MAGI2: variants seen among roughly 807,000 people sequenced by gnomAD.
MAGI2 encodes membrane-associated guanylate kinase, WW and PDZ domain-containing protein 2.
MAGI2 carries 35 observed loss-of-function variants against 133.3 expected under a neutral mutation model. That is an observed-to-expected ratio of 0.26 (90% CI 0.20 to 0.35). The LOEUF is 0.35. Ranked by LOEUF, MAGI2 falls within the 10% of genes least tolerant of loss-of-function variation. The pLI, the probability that MAGI2 is intolerant of heterozygous loss-of-function variation, is 1.00. For synonymous variants in MAGI2, 729 were observed against 710.6 expected, an observed-to-expected ratio of 1.03 and a Z score of -0.41; for missense variants, 1,636 against 1,863.4, an observed-to-expected ratio of 0.88 and a Z score of 2.25.
At chr7:78,521,369 A>G (rs950985391) in intron 4 of MAGI2, 61 bp downstream of exon 4, 14 of 1,205,202 alleles carry the variant, frequency 1.2e-5, no homozygotes, top group Non-Finnish European at 1.7e-5. Context: ...ATATGTGTAC[A>G]TATATATCTT....
intron 11 of MAGI2, among the ~76,000 whole-genome samples, chr7:78,198,721 C>A (rs1015668344): frequency 2.6e-5 from 4 of 152,152 alleles, no homozygotes; most frequent in Non-Finnish European, 5.9e-5. Flanking sequence ...ATGAGGCAGG[C>A]CCCTCTCCCC....
intron 2 of MAGI2, among the ~76,000 whole-genome samples, chr7:78,646,152 A>G (rs750174376): frequency 6.6e-6 from 1 of 152,210 alleles, no homozygotes; most frequent in African/African-American, 2.4e-5. Context: ...GAAGAAGGGT[A>G]TAATGGAGGA....
At chr7:78,183,453 A>T (rs1827384552) in intron 13 of MAGI2, among the ~76,000 whole-genome samples, 1 of 151,494 alleles carries the variant, frequency 6.6e-6, no homozygotes, top group Non-Finnish European at 1.5e-5. Flanking sequence ...TTTAGTAGAG[A>T]CGGGGTTTCA....
chr7:78,747,691 A>T (rs368136652), intron 2 of MAGI2, among the ~76,000 whole-genome samples: 19 of 152,272 alleles, frequency 1.2e-4, no homozygotes, highest in African/African-American at 4.6e-4. Flanking sequence ...CCCTGATCTC[A>T]CTAGAAGGTT....
At chr7:78,726,919 G>GT (rs573285679) in intron 2 of MAGI2, among the ~76,000 whole-genome samples, 3,647 of 143,974 alleles carry the variant, frequency 0.025, 49 homozygotes, top group African/African-American at 0.039. Flanking sequence ...AGATGCATGG[G>GT]TTTTTTTTTT....
chr7:78,147,460 G>A (rs1823418657), intron 16 of MAGI2, among the ~76,000 whole-genome samples: 1 of 152,054 alleles, frequency 6.6e-6, no homozygotes, highest in Non-Finnish European at 1.5e-5. Context: ...ATAACTATAT[G>A]TGTTTTCAGT....
chr7:78,962,881 T>C (rs946479563), intron 2 of MAGI2, among the ~76,000 whole-genome samples: 2 of 152,058 alleles, frequency 1.3e-5, no homozygotes, highest in African/African-American at 4.8e-5. Flanking sequence ...CAAACACTAA[T>C]AATGAGTTTA....
At chr7:79,040,171 T>C (rs1301004700) in intron 1 of MAGI2, among the ~76,000 whole-genome samples, 1 of 151,590 alleles carries the variant, frequency 6.6e-6, no homozygotes, top group Non-Finnish European at 1.5e-5. Flanking sequence ...TGAGTTCTCA[T>C]AGTATCTGAT....
intron 1 of MAGI2, among the ~76,000 whole-genome samples, chr7:79,332,692 G>T (rs1223691896): frequency 2.6e-5 from 4 of 152,158 alleles, no homozygotes; most frequent in Non-Finnish European, 5.9e-5. Flanking sequence ...AATTTGTACT[G>T]TGCTTGCAAT....
At chr7:78,383,523 T>G (rs973184410) in intron 6 of MAGI2, among the ~76,000 whole-genome samples, 1 of 152,116 alleles carries the variant, frequency 6.6e-6, no homozygotes, top group Non-Finnish European at 1.5e-5. Flanking sequence ...GGATGAATGA[T>G]TTGCAAATAT....
intron 6 of MAGI2, among the ~76,000 whole-genome samples, chr7:78,387,212 T>A (rs1795464105): frequency 6.6e-6 from 1 of 152,216 alleles, no homozygotes; most frequent in African/African-American, 2.4e-5. Context: ...CAGAAATCAA[T>A]GTGTGACATT....
At chr7:78,747,295 T>C (rs1448257155) in intron 2 of MAGI2, among the ~76,000 whole-genome samples, 2 of 152,178 alleles carry the variant, frequency 1.3e-5, no homozygotes, top group African/African-American at 2.4e-5. Flanking sequence ...CTAAAAATAG[T>C]ATAATTCTAC....
chr7:78,868,980 T>C lies in MAGI2; in HGVS notation c.418+138110A>G, dbSNP rs796522088. ...ATGTTAGCCAGGATGGTCTCAATCT[T>C]CTGACCTTGTGATCCGCCCGCCTCG... On this transcript the variant is annotated intron_variant, in intron 2 of 21. Coordinates refer to ENST00000354212, the MANE Select transcript of MAGI2 (RefSeq NM_012301.4). Among the ~76,000 whole-genome samples, 4 of 152,260 alleles carry C rather than the reference T, an allele frequency of 2.6e-5. No individual in the cohort carries two copies. The South Asian group carries it at 8.3e-4, about 32-fold the overall frequency.
chr7:79,268,022 G>A (rs1224271272), intron 1 of MAGI2, among the ~76,000 whole-genome samples: 5 of 152,062 alleles, frequency 3.3e-5, no homozygotes, highest in South Asian at 4.2e-4. Flanking sequence ...GAGTTTAATC[G>A]CCCCTGGTCA....
At chr7:78,571,136 G>A (rs1801455097) in intron 3 of MAGI2, among the ~76,000 whole-genome samples, 1 of 152,112 alleles carries the variant, frequency 6.6e-6, no homozygotes, top group Non-Finnish European at 1.5e-5. Flanking sequence ...TTTCCCTGGT[G>A]TGTATTGGAA....
At chr7:78,457,460 G>C (rs1350944083) in intron 6 of MAGI2, among the ~76,000 whole-genome samples, 1 of 152,140 alleles carries the variant, frequency 6.6e-6, no homozygotes, top group African/African-American at 2.4e-5. Context: ...AGCTCTGTGA[G>C]TCTCAGTTTC....
intron 20 of MAGI2, among the ~76,000 whole-genome samples, chr7:78,110,826 C>T (rs780106240): frequency 6.6e-6 from 1 of 152,144 alleles, no homozygotes; most frequent in South Asian, 2.1e-4. Flanking sequence ...ACAATGGTGA[C>T]TGCCAATCAG....
chr7:78,714,955 C>T (rs1461663796), intron 2 of MAGI2, among the ~76,000 whole-genome samples: 1 of 152,180 alleles, frequency 6.6e-6, no homozygotes, highest in African/African-American at 2.4e-5. Flanking sequence ...GACTAAAGCG[C>T]TAGAGTTTTC....
chr7:78,206,941 T>G (rs1346667407), intron 10 of MAGI2, among the ~76,000 whole-genome samples: 1 of 152,158 alleles, frequency 6.6e-6, no homozygotes, highest in East Asian at 1.9e-4. Context: ...CTGTTTTACA[T>G]AAGAAAAGGA....
Sources: allele counts gnomAD v4.1 joint callset (sites outside exome capture counted in the v4.1 genomes callset), GRCh38; gene constraint gnomAD v4.1.1; transcripts MANE v1.5; gene names NCBI Gene and HGNC (gene_info 2026-07-23, HGNC 2026-07-21).